SMOC1: variants seen among roughly 807,000 people sequenced by gnomAD.
SMOC1 encodes the protein SPARC related modular calcium binding 1, also known as SPARC-related modular calcium-binding protein 1.
A neutral mutation model predicts 56.3 loss-of-function variants in SMOC1; 22 were observed. That is an observed-to-expected ratio of 0.39 (90% CI 0.28 to 0.56). The LOEUF is 0.56. SMOC1 is among the 20% of genes least tolerant of loss of function. The pLI, the probability that SMOC1 is intolerant of heterozygous loss-of-function variation, is 0.61. For synonymous variants in SMOC1, 193 were observed against 215.0 expected, an observed-to-expected ratio of 0.90 and a Z score of 0.89; for missense variants, 509 against 565.4, an observed-to-expected ratio of 0.90 and a Z score of 1.01.
chr14:69,932,347 C>A (rs1448847888), intron 1 of SMOC1, among the ~76,000 whole-genome samples: 3 of 152,208 alleles, frequency 2.0e-5, no homozygotes, highest in Non-Finnish European at 4.4e-5. Context: ...AGGTGATGAG[C>A]TTCCTCTGCT....
At chr14:69,988,211 A>G (rs1323721504) in intron 5 of SMOC1, among the ~76,000 whole-genome samples, 1 of 150,262 alleles carries the variant, frequency 6.7e-6, no homozygotes, top group Non-Finnish European at 1.5e-5. Context: ...AGTTTGCCTT[A>G]TTTGTTGTTT....
In SMOC1 at chr14:70,011,567, G is replaced by C; in HGVS notation, c.940G>C (p.Gly314Arg). ...CCCCTTCAAGGACAGGGAGCTACCA[G>C]GTGGGAGACGATGCTGCCCTGCCGG... is the stretch of plus-strand genomic sequence containing the variant. ...DDPFKDRELP[G>R]CPEGKKMEFI... The change falls in exon 9 of 12, where the codon GGC (glycine) becomes CGC (arginine). Residue 314 changes from glycine to arginine, a missense_variant and splice_region_variant. Coordinates refer to ENST00000361956, the MANE Select transcript of SMOC1 (RefSeq NM_001034852.3). 1 of 1,613,358 alleles carries C rather than the reference G, an allele frequency of 6.2e-7. No individual in the cohort carries two copies. Among genetic ancestry groups the C allele is most frequent in the Non-Finnish European group, 8.5e-7 (1 of 1,179,592 alleles).
chr14:69,983,108 G>A lies in SMOC1; in HGVS notation c.526+5143G>A, dbSNP rs190746507. On this transcript the variant is annotated intron_variant, in intron 5 of 11. Transcript: ENST00000361956. Reference sequence around the variant, plus strand: ...CCAGCTTGGCTCCAGCTACTCAACCGCCTCCATTTTGGCCCGTATTCCAGG... The same window carrying A: ...CCAGCTTGGCTCCAGCTACTCAACCACCTCCATTTTGGCCCGTATTCCAGG... Among the ~76,000 whole-genome samples the A allele has an allele frequency of 1.4e-4, 21 of 152,238 alleles. No homozygotes were observed. In the East Asian group the frequency reaches 3.9e-3, roughly 28 times the overall value.
intron 11 of SMOC1, among the ~76,000 whole-genome samples, chr14:70,026,006 G>A (rs1246380859): frequency 3.3e-5 from 5 of 152,130 alleles, no homozygotes; most frequent in Non-Finnish European, 7.4e-5. Flanking sequence ...TTACTCTTCC[G>A]ATTACCCCTT....
intron 1 of SMOC1, among the ~76,000 whole-genome samples, chr14:69,948,227 T>C (rs1023077335): frequency 1.3e-5 from 2 of 152,210 alleles, no homozygotes; most frequent in Admixed American, 1.3e-4. Flanking sequence ...TAGAGCTCAC[T>C]TTTTGTGTGT....
At position 70,011,517 on chromosome 14, in the gene SMOC1, G is replaced by A; in HGVS notation, c.890G>A (p.Arg297Lys). The stretch of plus-strand genomic sequence containing the variant: ...ATGCCCAGTTGTGAGAGCGACGCCA[G>A]GGCCAAGACTACAGAGGCGGATGAC... ...YVMPSCESDA[R>K]AKTTEADDPF... Residue 297 changes from arginine to lysine, a missense_variant, in exon 9 of 12, where the codon AGG becomes AAG. Transcript: ENST00000361956. 5 of 1,591,676 alleles carry A rather than the reference G, an allele frequency of 3.1e-6. No individual in the cohort carries two copies. Among genetic ancestry groups the A allele is most frequent in the Non-Finnish European group, 4.3e-6 (5 of 1,166,730 alleles).
chr14:69,920,938 A>C (rs1884822561), intron 1 of SMOC1, among the ~76,000 whole-genome samples: 1 of 152,182 alleles, frequency 6.6e-6, no homozygotes, highest in Non-Finnish European at 1.5e-5. Context: ...AGTAACTGTA[A>C]GATGGGGAAC....
Position 70,023,192 on chromosome 14 carries a change from C to G in SMOC1, c.1047-11C>G. On this transcript the variant is annotated splice_polypyrimidine_tract_variant and intron_variant, in intron 10 of 11. Coordinates refer to ENST00000361956, the MANE Select transcript of SMOC1 (RefSeq NM_001034852.3). ...TGTTCTCTGCGGTGGGGGTGTTTGT[C>G]CATGGCCCAGGTTCTCAGAGCCAGA... The G allele has an allele frequency of 1.2e-6, 2 of 1,613,966 alleles. No individual in the cohort carries two copies. The highest frequency in any genetic ancestry group is 1.7e-6 in the Non-Finnish European group (2 of 1,180,004).
intron 3 of SMOC1, among the ~76,000 whole-genome samples, chr14:69,970,662 T>C (rs557382339): frequency 1.3e-5 from 2 of 152,280 alleles, no homozygotes; most frequent in South Asian, 4.1e-4. Context: ...GTGATAGTTG[T>C]CTATATGTGT....
chr14:69,930,652 G>A (rs963053301), intron 1 of SMOC1, among the ~76,000 whole-genome samples: 5 of 152,174 alleles, frequency 3.3e-5, no homozygotes, highest in African/African-American at 1.2e-4. Flanking sequence ...GGAAATGGGA[G>A]TTCCTGGGCC....
At chr14:69,958,200 A>G (rs1014116848) in intron 3 of SMOC1, among the ~76,000 whole-genome samples, 3 of 152,162 alleles carry the variant, frequency 2.0e-5, no homozygotes, top group African/African-American at 7.2e-5. Flanking sequence ...GTTCAAGGCT[A>G]TATTGCTCTA....
chr14:69,961,276 A>G (rs1169636554), intron 3 of SMOC1, among the ~76,000 whole-genome samples: 753 of 34,712 alleles, frequency 0.022, 33 homozygotes, highest in African/African-American at 0.06. Context: ...TATTGTGTAT[A>G]TATATATATA....
At chr14:69,987,953 C>T (rs114844334) in intron 5 of SMOC1, among the ~76,000 whole-genome samples, 2 of 152,216 alleles carry the variant, frequency 1.3e-5, no homozygotes, top group East Asian at 3.9e-4. Flanking sequence ...GTTGGGGAAT[C>T]TCCGGAGGCC....
chr14:69,906,683 T>A lies in SMOC1; in HGVS notation c.99+26906T>A, dbSNP rs567704885. 1.1e-4 allele frequency among the ~76,000 whole-genome samples: 17 copies of A among 152,238 alleles called. No homozygotes were observed. In the South Asian group the frequency reaches 3.5e-3, roughly 32 times the overall value. Reference sequence around the variant, plus strand: ...GACAAAAAGGAGGAGTCAAGAGAAGTTGGAAGCCAACTGAGAGAGAGGGAA... The same window carrying A: ...GACAAAAAGGAGGAGTCAAGAGAAGATGGAAGCCAACTGAGAGAGAGGGAA... On this transcript the variant is annotated intron_variant, in intron 1 of 11. Transcript: ENST00000361956.
rs181072547 is a variant in SMOC1, at chr14:69,977,417, T to C, written c.479-501T>C. Among the ~76,000 whole-genome samples, 115 of 152,370 alleles carry C rather than the reference T, an allele frequency of 7.5e-4. 2 individuals carry two copies. The highest frequency in any genetic ancestry group is 7.5e-3 in the Admixed American group (115 of 15,310). On this transcript the variant is annotated intron_variant, in intron 4 of 11. Transcript: ENST00000361956. ...GACTATTTTGGCCCATTCAGTACAA[T>C]TGGGCCAACAATTTTCTACTTAATG...
At chr14:69,953,607 C>A in intron 3 of SMOC1, 75 bp downstream of exon 3, 1 of 1,220,740 alleles carries the variant, frequency 8.2e-7, no homozygotes, top group Non-Finnish European at 1.2e-6. Flanking sequence ...AGCGCGAGGG[C>A]TGCTTGGCGC....
intron 1 of SMOC1, among the ~76,000 whole-genome samples, chr14:69,905,538 G>C (rs1884384611): frequency 6.6e-6 from 1 of 152,162 alleles, no homozygotes; most frequent in African/African-American, 2.4e-5. Flanking sequence ...GTTTTAGAAA[G>C]ATCAAGCAGT....
chr14:69,969,250 C>G (rs1883675022), intron 3 of SMOC1, among the ~76,000 whole-genome samples: 1 of 152,152 alleles, frequency 6.6e-6, no homozygotes, highest in East Asian at 1.9e-4. Context: ...CTGCATTTGT[C>G]CATTCTTGCG....
chr14:69,965,377 AAATAAT>A (rs544015097), intron 3 of SMOC1, among the ~76,000 whole-genome samples: 27 of 113,878 alleles, frequency 2.4e-4, no homozygotes, highest in African/African-American at 6.5e-4. Flanking sequence ...CAAGACTCTC[AAATAAT>A]AATAATAATA....
Sources: allele counts gnomAD v4.1 joint callset (sites outside exome capture counted in the v4.1 genomes callset), GRCh38; gene constraint gnomAD v4.1.1; transcripts MANE v1.5; gene names NCBI Gene and HGNC (gene_info 2026-07-23, HGNC 2026-07-21).